The following BCL2L11 variants were observed in gnomAD, a reference collection of about 807,000 sequenced individuals.
BCL2L11 encodes the protein bcl-2-like protein 11.
A neutral mutation model predicts 20.6 loss-of-function variants in BCL2L11; 15 were observed. The observed-to-expected ratio is 0.73, with a 90% CI of 0.49 to 1.12. The LOEUF (loss-of-function observed/expected upper bound fraction) is 1.12, where lower values mean the gene tolerates loss of function less well. Ranked by LOEUF, BCL2L11 falls within the 50% of genes most tolerant of loss-of-function variation. BCL2L11 has a pLI of 0.00. For missense variants in BCL2L11, 292 were observed against 260.9 expected (o/e 1.12, Z -0.82); for synonymous variants, 108 against 92.8 (o/e 1.16, Z -0.94).
chr2:111,146,994 A>G (rs544343022), intron 2 of BCL2L11, among the ~76,000 whole-genome samples: 1 of 152,336 alleles, frequency 6.6e-6, no homozygotes, highest in Admixed American at 6.5e-5. Context: ...TTTTTAAAAA[A>G]ATAGTGATAG....
At chr2:111,151,807 A>C (rs1218972452) in intron 3 of BCL2L11, 2 of 1,532,244 alleles carry the variant, frequency 1.3e-6, no homozygotes, top group South Asian at 1.2e-5. Flanking sequence ...GAATTTCTTA[A>C]AATACTGTCT....
intron 2 of BCL2L11, among the ~76,000 whole-genome samples, chr2:111,130,703 T>G (rs1055627551): frequency 6.6e-6 from 1 of 152,164 alleles, no homozygotes; most frequent in African/African-American, 2.4e-5. Flanking sequence ...GGGGAAAGCT[T>G]TCTGTTTTTA....
intron 2 of BCL2L11, 142 bp downstream of exon 2, chr2:111,124,281 C>A (rs750400666): frequency 4.1e-6 from 4 of 977,860 alleles, no homozygotes; most frequent in Non-Finnish European, 4.3e-6. Context: ...ATGTGTCAAA[C>A]TATCAAACCA....
At chr2:111,132,433 T>A (rs890280493) in intron 2 of BCL2L11, among the ~76,000 whole-genome samples, 2 of 152,232 alleles carry the variant, frequency 1.3e-5, no homozygotes, top group African/African-American at 4.8e-5. Flanking sequence ...TGGTTAGGGC[T>A]AGAATCTGTT....
In BCL2L11 at chr2:111,165,081, A is replaced by C. The variant is rs1439407933; in HGVS notation, c.*850A>C. Reference sequence around the variant, plus strand: ...GTTAATATCTGCCTGTATCTTGCACAGTTCGAGCGATCTGTTATTAACTGG... The same window carrying C: ...GTTAATATCTGCCTGTATCTTGCACCGTTCGAGCGATCTGTTATTAACTGG... On this transcript the variant is annotated 3_prime_UTR_variant, in exon 4 of 4. Transcript: ENST00000393256. The C allele has an allele frequency of 1.3e-5, 2 of 152,250 alleles. No homozygotes were observed. Among genetic ancestry groups the C allele is most frequent in the African/African-American group, 4.8e-5 (2 of 41,456 alleles). The allele number at this position is 152,250 out of a possible 1,614,324, so 9.4% of individuals were successfully genotyped here. A position where few individuals can be genotyped will look rare whatever the true frequency, so the allele number is the denominator to read the frequency against.
At chr2:111,123,126 G>GT (rs1342998082) in intron 1 of BCL2L11, 3 of 983,062 alleles carry the variant, frequency 3.1e-6, no homozygotes, top group African/African-American at 1.7e-5. Context: ...TCGGTGCGGC[G>GT]TGCGGTACGG....
At position 111,162,822 on chromosome 2, in the gene BCL2L11, C is replaced by T. The variant is rs1413508684; in HGVS notation, c.499-1311C>T. 2.6e-5 allele frequency: 4 copies of T among 152,210 alleles called. No homozygotes were observed. The East Asian group carries it at 7.7e-4, about 29-fold the overall frequency. The allele number at this position is 152,210 out of a possible 1,614,324, so 9.4% of individuals were successfully genotyped here. A position where few individuals can be genotyped will look rare whatever the true frequency, so the allele number is the denominator to read the frequency against. ...TTATTTTGAATAAGTCTCTTTCAAC[C>T]TATTAATATTAGTCTACACTAAAAT... is the stretch of plus-strand genomic sequence containing the variant. On this transcript the variant is annotated intron_variant, in intron 3 of 3. Coordinates refer to ENST00000393256, the MANE Select transcript of BCL2L11 (RefSeq NM_138621.5).
chr2:111,129,122 G>C (rs1055181207), intron 2 of BCL2L11, among the ~76,000 whole-genome samples: 1 of 152,216 alleles, frequency 6.6e-6, no homozygotes, highest in African/African-American at 2.4e-5. Context: ...GTAAACAGCG[G>C]CATTCTTCAG....
chr2:111,157,681 C>A (rs1346157219), intron 3 of BCL2L11, among the ~76,000 whole-genome samples: 1 of 152,160 alleles, frequency 6.6e-6, no homozygotes, highest in African/African-American at 2.4e-5. Flanking sequence ...CAGTGCACAG[C>A]CTCACCTGGA....
At position 111,161,066 on chromosome 2, in the gene BCL2L11, G is replaced by A. The variant is rs139060393; in HGVS notation, c.499-3067G>A. ...CTGTGTCTTCACGTGGTCTCCCTCC[G>A]TGGGTTTCTGTGTCCTGATTGTCTC... On this transcript the variant is annotated intron_variant, in intron 3 of 3. Transcript: ENST00000393256. 2.1e-3 allele frequency among the ~76,000 whole-genome samples: 321 copies of A among 152,266 alleles called. 1 individual carries two copies. Among genetic ancestry groups the A allele is most frequent in the African/African-American group, 6.9e-3 (286 of 41,562 alleles).
intron 3 of BCL2L11, among the ~76,000 whole-genome samples, chr2:111,160,718 C>T (rs374102531): frequency 3.9e-4 from 60 of 152,342 alleles, no homozygotes; most frequent in African/African-American, 1.4e-3. Flanking sequence ...AGTATATGGT[C>T]ACTTCAGTTG....
At chr2:111,121,890 G>A (rs2241841) in intron 1 of BCL2L11, among the ~76,000 whole-genome samples, 65,039 of 152,040 alleles carry the variant, frequency 0.43, 14,393 homozygotes, top group Non-Finnish European at 0.48. Flanking sequence ...AGTCGCGGCC[G>A]GCAGAACCTG....
At chr2:111,128,913 G>A (rs150729853) in intron 2 of BCL2L11, 6 of 1,230,688 alleles carry the variant, frequency 4.9e-6, no homozygotes, top group Non-Finnish European at 6.5e-6. Flanking sequence ...ATTTGTGGCT[G>A]GTGTTCTGTT....
intron 2 of BCL2L11, among the ~76,000 whole-genome samples, chr2:111,141,386 T>C (rs937440119): frequency 6.6e-6 from 1 of 151,138 alleles, no homozygotes; most frequent in Non-Finnish European, 1.5e-5. Context: ...AAATTGGAAA[T>C]CATCATTCTC....
chr2:111,130,172 T>C, intron 2 of BCL2L11: 2 of 360,076 alleles, frequency 5.6e-6, no homozygotes, highest in Non-Finnish European at 5.4e-6. Context: ...TGGTGCGATC[T>C]TGGCTCACTG....
chr2:111,150,032 G>A lies in BCL2L11; in HGVS notation c.395-12G>A, dbSNP rs1430173904. Reference sequence around the variant, plus strand: ...CACAATGTGATTTTTGTTTTGTTTTGTTCTGATGCAGCTTCCATGAGGCAG... The same window carrying A: ...CACAATGTGATTTTTGTTTTGTTTTATTCTGATGCAGCTTCCATGAGGCAG... On this transcript the variant is annotated splice_polypyrimidine_tract_variant and intron_variant, in intron 2 of 3. Transcript: ENST00000393256. The A allele has an allele frequency of 3.1e-6, 5 of 1,611,374 alleles. No individual in the cohort carries two copies. Among genetic ancestry groups the A allele is most frequent in the Non-Finnish European group, 4.2e-6 (5 of 1,178,528 alleles).
At chr2:111,147,346 T>TCTCACA (rs760779894) in intron 2 of BCL2L11, among the ~76,000 whole-genome samples, 40 of 137,416 alleles carry the variant, frequency 2.9e-4, no homozygotes, top group South Asian at 9.5e-4. Flanking sequence ...TCTCTCTCTC[T>TCTCACA]CACACACACA....
intron 3 of BCL2L11, among the ~76,000 whole-genome samples, chr2:111,154,963 G>A (rs73954965): frequency 0.026 from 3,957 of 152,340 alleles, 163 homozygotes; most frequent in African/African-American, 0.089. Flanking sequence ...CAGGGGCTGT[G>A]AAGGTCACGG....
At chr2:111,148,081 T>C (rs2076795378) in intron 2 of BCL2L11, among the ~76,000 whole-genome samples, 2 of 152,266 alleles carry the variant, frequency 1.3e-5, no homozygotes, top group Non-Finnish European at 2.9e-5. Flanking sequence ...AACATCAATC[T>C]GTAGTTCACA....
Sources: gnomAD v4.1 joint callset for allele counts (sites outside exome capture counted in the v4.1 genomes callset) on GRCh38, gnomAD v4.1.1 for gene constraint, MANE v1.5 for transcripts, NCBI Gene and HGNC (gene_info 2026-07-23, HGNC 2026-07-21) for gene names.